The following RNF19B variants were observed in gnomAD, a reference collection of about 807,000 sequenced individuals.
RNF19B encodes ring finger protein 19B.
RNF19B carries 23 observed loss-of-function variants against 65.5 expected under a neutral mutation model. The ratio of observed to expected loss-of-function variants is 0.35; its 90% CI spans 0.25 to 0.50. The LOEUF (loss-of-function observed/expected upper bound fraction) is 0.50. RNF19B is among the 20% of genes least tolerant of loss of function. RNF19B has a pLI of 0.98. For missense variants in RNF19B, 794 were observed against 980.0 expected (o/e 0.81, Z 2.53); for synonymous variants, 372 against 379.6 (o/e 0.98, Z 0.23).
In RNF19B at chr1:32,964,176, G is replaced by A. The variant is rs1327512225; in HGVS notation, c.510C>T (p.Leu170=). 13 of 1,546,232 alleles carry A rather than the reference G, an allele frequency of 8.4e-6. No homozygotes were observed. The highest frequency in any genetic ancestry group is 2.8e-5 in the African/African-American group (2 of 72,302). The change falls in exon 1 of 9, where the codon CTC becomes CTT. Residue 170 remains leucine, a synonymous_variant. Transcript: ENST00000235150. This position sits in a 1 kb window ranked among gnomAD's most constrained non-coding sequence, Gnocchi z 6.5. The stretch of plus-strand genomic sequence containing the variant: ...GCAGCAAGCGGATGTCGTGCGGGTT[G>A]AGTCGCTCGCTGCACTCGGGGCAGC... The part of the protein sequence containing the change: ...PISCPECSER[L]NPHDIRLLLA...
chr1:32,941,947 A>AT (rs1211097563), intron 7 of RNF19B, among the ~76,000 whole-genome samples: 2 of 152,232 alleles, frequency 1.3e-5, no homozygotes, highest in East Asian at 3.9e-4. Flanking sequence ...AATACAAAAA[A>AT]TTAGCTGGGC....
chr1:32,941,958 G>A (rs772026184), intron 7 of RNF19B, among the ~76,000 whole-genome samples: 38 of 152,036 alleles, frequency 2.5e-4, no homozygotes, highest in Non-Finnish European at 4.4e-4. Flanking sequence ...TTAGCTGGGC[G>A]TGGTGGCGGG....
At chr1:32,941,869 G>A (rs1042129965) in intron 7 of RNF19B, among the ~76,000 whole-genome samples, 3 of 151,534 alleles carry the variant, frequency 2.0e-5, no homozygotes, top group African/African-American at 4.8e-5. Flanking sequence ...AGGCCAAGGC[G>A]GGCGGATCAC....
intron 1 of RNF19B, among the ~76,000 whole-genome samples, chr1:32,957,020 C>T (rs1349474691): frequency 1.3e-5 from 2 of 152,150 alleles, no homozygotes; most frequent in Non-Finnish European, 2.9e-5. Flanking sequence ...CTCCCTATTC[C>T]CCACTCCATC....
At chr1:32,960,250 T>G (rs1038768951) in intron 1 of RNF19B, among the ~76,000 whole-genome samples, 1 of 152,222 alleles carries the variant, frequency 6.6e-6, no homozygotes, top group African/African-American at 2.4e-5. Context: ...GTAAAACTAA[T>G]GATCAGAACC....
At chr1:32,958,884 T>C (rs1642706023) in intron 1 of RNF19B, among the ~76,000 whole-genome samples, 1 of 152,064 alleles carries the variant, frequency 6.6e-6, no homozygotes, top group South Asian at 2.1e-4. Context: ...TACAAGTACT[T>C]TGGCAAATCT....
intron 8 of RNF19B, 68 bp downstream of exon 8, chr1:32,938,329 G>A (rs1335051802): frequency 1.3e-6 from 2 of 1,550,246 alleles, no homozygotes; most frequent in South Asian, 2.2e-5. Flanking sequence ...ATGAGGCATT[G>A]AACTTCTGAA....
Position 32,964,319 on chromosome 1 carries a change from G to A in RNF19B, c.367C>T (p.Leu123=), listed in dbSNP as rs2124202210. 4 of 1,507,172 alleles carry A rather than the reference G, an allele frequency of 2.7e-6. No homozygotes were observed. The highest frequency in any genetic ancestry group is 1.2e-5 in the South Asian group (1 of 80,376). 93.4% of individuals were successfully genotyped at this position (1,507,172 alleles called of 1,614,324 possible). A position where few individuals can be genotyped will look rare whatever the true frequency, so the allele number is the denominator to read the frequency against. Residue 123 remains leucine, a synonymous_variant, in exon 1 of 9, where the codon CTG becomes TTG. Transcript: ENST00000235150. This position sits in a 1 kb window ranked among gnomAD's most constrained non-coding sequence, Gnocchi z 6.5. ...GAEEVECPLC[L]VRLPPERAPR... ...GCCCGCTCAGGCGGCAGCCGCACCA[G>A]GCACAGCGGACACTCCACCTCCTCC...
In RNF19B at chr1:32,946,446, T is replaced by C. The variant is rs1194666315; in HGVS notation, c.1102A>G (p.Ile368Val). The change falls in exon 4 of 9, where the codon ATT (isoleucine) becomes GTT (valine). Residue 368 changes from isoleucine to valine, a missense_variant. Physicochemically the swap from Ile to Val is conservative, Grantham distance 29. Transcript: ENST00000235150. ...GGAATGCCAATGACCATGGCAGGAA[T>C]GGCAATGCCAGCAATGAGAGAAATC... Reference protein sequence around the residue: ...VGISLIAGIAIPAMVIGIPVY... With the variant: ...VGISLIAGIAVPAMVIGIPVY... 1 of 1,614,126 alleles carries C rather than the reference T, an allele frequency of 6.2e-7. No homozygotes were observed. Among genetic ancestry groups the C allele is most frequent in the South Asian group, 1.1e-5 (1 of 91,078 alleles).
At chr1:32,958,137 G>A (rs551665374) in intron 1 of RNF19B, among the ~76,000 whole-genome samples, 1 of 152,286 alleles carries the variant, frequency 6.6e-6, no homozygotes, top group African/African-American at 2.4e-5. Context: ...ACTATTAAAG[G>A]AGTTTAGGGA....
At chr1:32,932,139 A>T (rs1349388321), downstream of RNF19B, among the ~76,000 whole-genome samples, 1 of 152,224 alleles carries the variant, frequency 6.6e-6, no homozygotes, top group Non-Finnish European at 1.5e-5. Flanking sequence ...AGCCTGGGGA[A>T]CATGGCCATA....
chr1:32,934,592 A>C (rs1237398462), downstream of RNF19B, among the ~76,000 whole-genome samples: 1 of 150,478 alleles, frequency 6.6e-6, no homozygotes, highest in Non-Finnish European at 1.5e-5. Flanking sequence ...GAGACTTGAG[A>C]ATCACTTGAA....
intron 1 of RNF19B, among the ~76,000 whole-genome samples, chr1:32,951,059 G>C (rs540682418): frequency 6.6e-6 from 1 of 151,458 alleles, no homozygotes; most frequent in East Asian, 2.0e-4. Context: ...GGATGGTCTC[G>C]ATCTCTTGAC....
At chr1:32,955,283 C>G (rs1325317219) in intron 1 of RNF19B, among the ~76,000 whole-genome samples, 1 of 152,082 alleles carries the variant, frequency 6.6e-6, no homozygotes, top group Admixed American at 6.6e-5. Flanking sequence ...GGCCATCACT[C>G]TGCTCTAAAG....
Position 32,964,635 on chromosome 1 carries a change from C to A in RNF19B, c.51G>T (p.Ala17=), listed in dbSNP as rs1228982143. Residue 17 remains alanine, a synonymous_variant, in exon 1 of 9, where the codon GCG becomes GCT. Coordinates refer to ENST00000235150, the MANE Select transcript of RNF19B (RefSeq NM_001300826.2). This position sits in a 1 kb window ranked among gnomAD's most constrained non-coding sequence, Gnocchi z 6.5. The part of the protein sequence containing the change: ...SESPRSTSLH[A]AAPDPKCRSG... ...TGCGGCACTTAGGGTCGGGTGCGGC[C>A]GCATGTAGCGATGTGGAGCGCGGCG... The A allele has an allele frequency of 3.8e-5, 56 of 1,474,340 alleles. No individual in the cohort carries two copies. Among genetic ancestry groups the A allele is most frequent in the Non-Finnish European group, 5.0e-5 (56 of 1,116,944 alleles). 91.3% of individuals were successfully genotyped at this position (1,474,340 alleles called of 1,614,324 possible).
intron 1 of RNF19B, among the ~76,000 whole-genome samples, chr1:32,961,976 T>G (rs560689578): frequency 2.8e-5 from 4 of 145,192 alleles, no homozygotes; most frequent in East Asian, 4.0e-4. Context: ...CAGTGTTTTG[T>G]TTTTTTTTTT....
rs555623916 is a variant in RNF19B at position 32,953,208 on chromosome 1, A to G, written c.636-3434T>C. The stretch of plus-strand genomic sequence containing the variant: ...AGGCTGGTCTGGAACTTCTGTCTTC[A>G]AGCAACCCTCCCGCCTTAGCCTCCC... On this transcript the variant is annotated intron_variant, in intron 1 of 8. Coordinates refer to ENST00000235150, the MANE Select transcript of RNF19B (RefSeq NM_001300826.2). 2.0e-5 allele frequency among the ~76,000 whole-genome samples: 3 copies of G among 151,566 alleles called. No homozygotes were observed. The South Asian group carries it at 6.3e-4, about 32-fold the overall frequency.
intron 1 of RNF19B, 61 bp downstream of exon 1, chr1:32,963,990 G>A: frequency 7.2e-7 from 1 of 1,385,858 alleles, no homozygotes; most frequent in African/African-American, 1.5e-5. Flanking sequence ...GGTCCCTGCT[G>A]CCCCCAGCCA....
chr1:32,964,494 CGGCGGCTGCGCAGCCGGG>C lies in RNF19B; in HGVS notation c.174_191del (p.Ala61_Ala66del), dbSNP rs961753956. The C allele has an allele frequency of 1.1e-6, 1 of 943,536 alleles. No individual in the cohort carries two copies. Among genetic ancestry groups the C allele is most frequent in the Non-Finnish European group, 1.3e-6 (1 of 797,890 alleles). 58.4% of individuals were successfully genotyped at this position (943,536 alleles called of 1,614,324 possible). On this transcript the variant is annotated inframe_deletion, in exon 1 of 9. Coordinates refer to ENST00000235150, the MANE Select transcript of RNF19B (RefSeq NM_001300826.2). The surrounding 1 kb of genome is among the most constrained non-coding windows in gnomAD (Gnocchi z 6.5). Reference sequence around the variant, plus strand: ...GGGCCGCGGCAGGGGCCGGGGCGGGCGGCGGCTGCGCAGCCGGGGGCGGCGGCTCGGCCTGCGGCTTGG... The same window carrying C: ...GGGCCGCGGCAGGGGCCGGGGCGGGCGGCGGCGGCTCGGCCTGCGGCTTGG...
Sources: allele counts gnomAD v4.1 joint callset (sites outside exome capture counted in the v4.1 genomes callset), GRCh38; gene constraint gnomAD v4.1.1; non-coding constraint Gnocchi (gnomAD v3.1); transcripts MANE v1.5; gene names NCBI Gene and HGNC (gene_info 2026-07-23, HGNC 2026-07-21).